Variants in MYRIP observed in about 807,000 individuals in gnomAD.
MYRIP encodes rab effector MyRIP.
MYRIP carries 49 observed loss-of-function variants against 98.0 expected under a neutral mutation model. That is an observed-to-expected ratio of 0.50 (90% CI 0.40 to 0.63). The LOEUF is 0.63. MYRIP is among the 30% of genes least tolerant of loss of function. The pLI is 0.00. For synonymous variants in MYRIP, 404 were observed against 409.5 expected (o/e 0.99, Z 0.16); for missense variants, 1,004 against 1,058.2 (o/e 0.95, Z 0.71).
chr3:40,217,795 AGAAAAC>A lies in MYRIP; in HGVS notation c.1905+7703_1905+7708del, dbSNP rs542295103. ...TAGAAATTACTATTAAATGACAGAA[AGAAAAC>A]AAAGATGTCTTCTACTACTTTCATG... On this transcript the variant is annotated intron_variant, in intron 11 of 16. Coordinates refer to ENST00000302541, the MANE Select transcript of MYRIP (RefSeq NM_015460.4). Among the ~76,000 whole-genome samples the A allele has an allele frequency of 2.3e-3, 354 of 152,314 alleles. 2 individuals are homozygous for A. The highest frequency in any genetic ancestry group is 8.1e-3 in the African/African-American group (337 of 41,586).
chr3:39,886,244 A>G (rs1265889018), intron 1 of MYRIP, among the ~76,000 whole-genome samples: 40 of 151,678 alleles, frequency 2.6e-4, no homozygotes, highest in Non-Finnish European at 7.4e-5. Context: ...ATGCCAAAAT[A>G]TAAAGACCAT....
At chr3:39,827,879 T>G (rs1941318584) in intron 1 of MYRIP, among the ~76,000 whole-genome samples, 2 of 75,310 alleles carry the variant, frequency 2.7e-5, no homozygotes, top group South Asian at 1.0e-3. Flanking sequence ...TGATTGGCAG[T>G]TTTTTTTTCT....
intron 2 of MYRIP, among the ~76,000 whole-genome samples, chr3:39,960,159 G>A (rs1945286552): frequency 6.6e-6 from 1 of 152,034 alleles, no homozygotes; most frequent in African/African-American, 2.4e-5. Context: ...GACTTAGGGA[G>A]CATCATAAGA....
intron 12 of MYRIP, among the ~76,000 whole-genome samples, chr3:40,237,056 C>T (rs776139319): frequency 2.0e-5 from 3 of 152,100 alleles, no homozygotes; most frequent in Non-Finnish European, 2.9e-5. Context: ...GTGGCTCACA[C>T]CTGTAATCCC....
intron 3 of MYRIP, among the ~76,000 whole-genome samples, chr3:40,084,781 TGTTAC>T (rs1559394186): frequency 2.5e-4 from 22 of 86,556 alleles, no homozygotes; most frequent in African/African-American, 4.8e-4. Context: ...AATATATATG[TGTTAC>T]ATGTCGATAG....
At chr3:39,903,936 A>G (rs1335281292) in intron 2 of MYRIP, among the ~76,000 whole-genome samples, 5 of 152,180 alleles carry the variant, frequency 3.3e-5, no homozygotes, top group African/African-American at 1.2e-4. Flanking sequence ...TCTTTTTTCT[A>G]CAATGTGTTC....
At chr3:40,224,327 G>A (rs1023150380) in intron 11 of MYRIP, among the ~76,000 whole-genome samples, 3 of 151,384 alleles carry the variant, frequency 2.0e-5, no homozygotes, top group Non-Finnish European at 1.5e-5. Flanking sequence ...TCAGAGCCAA[G>A]CACATGCCCT....
At chr3:39,876,173 T>G (rs1409450711) in intron 1 of MYRIP, among the ~76,000 whole-genome samples, 1 of 152,202 alleles carries the variant, frequency 6.6e-6, no homozygotes, top group African/African-American at 2.4e-5. Flanking sequence ...CCCCTGCCTT[T>G]TTTTGTTTTC....
At position 40,043,583 on chromosome 3, in the gene MYRIP, T is replaced by TA. The variant is rs532556239; in HGVS notation, c.111-462dup. 2.6e-4 allele frequency among the ~76,000 whole-genome samples: 40 copies of TA among 152,290 alleles called. 3 individuals carry two copies. The South Asian group carries it at 8.3e-3, about 32-fold the overall frequency. ...TAACTCATATAGATTTGAAAGCTTTTAAAAATCCTTGAGTACTTCAGTTTC... is the reference window on the plus strand; with the variant it reads ...TAACTCATATAGATTTGAAAGCTTTTAAAAAATCCTTGAGTACTTCAGTTTC... On this transcript the variant is annotated intron_variant, in intron 2 of 16. Coordinates refer to ENST00000302541, the MANE Select transcript of MYRIP (RefSeq NM_015460.4).
At chr3:40,222,500 C>G (rs1690241813) in intron 11 of MYRIP, among the ~76,000 whole-genome samples, 1 of 152,140 alleles carries the variant, frequency 6.6e-6, no homozygotes. Flanking sequence ...GGGTAAATTT[C>G]ATGTCAGGAA....
rs535378686 is a variant in MYRIP, at chr3:39,846,505, T to C, written c.-31+36589T>C. 2.6e-5 allele frequency among the ~76,000 whole-genome samples: 4 copies of C among 152,270 alleles called. No homozygotes were observed. In the South Asian group the frequency reaches 6.2e-4, roughly 24 times the overall value. On this transcript the variant is annotated intron_variant, in intron 1 of 16. Transcript: ENST00000302541. ...CTTCCCTTTCTCTCTCCCAAGTAGATGCTGTTTCTATCCAACTACCACTGG... is the reference window on the plus strand; with the variant it reads ...CTTCCCTTTCTCTCTCCCAAGTAGACGCTGTTTCTATCCAACTACCACTGG...
chr3:40,139,014 T>G (rs540013201), intron 3 of MYRIP, among the ~76,000 whole-genome samples: 4 of 152,206 alleles, frequency 2.6e-5, no homozygotes, highest in Non-Finnish European at 5.9e-5. Context: ...TCTGCTCTAC[T>G]TTTTACTTCT....
chr3:39,955,842 G>C (rs970237203), intron 2 of MYRIP, among the ~76,000 whole-genome samples: 3 of 151,848 alleles, frequency 2.0e-5, no homozygotes, highest in African/African-American at 7.3e-5. Context: ...GATCTACCAA[G>C]AAAATGGAAA....
At chr3:40,119,783 G>A (rs1949360888) in intron 3 of MYRIP, among the ~76,000 whole-genome samples, 1 of 152,058 alleles carries the variant, frequency 6.6e-6, no homozygotes, top group South Asian at 2.1e-4. Flanking sequence ...GGGGGAGCAG[G>A]GAGGGATAGC....
chr3:39,992,800 C>T (rs1385183633), intron 2 of MYRIP, among the ~76,000 whole-genome samples: 1 of 152,150 alleles, frequency 6.6e-6, no homozygotes, highest in Admixed American at 6.5e-5. Flanking sequence ...TAATGCCCAG[C>T]CTCCAAATTC....
At chr3:40,053,016 A>C (rs1321700794) in intron 3 of MYRIP, among the ~76,000 whole-genome samples, 1 of 152,100 alleles carries the variant, frequency 6.6e-6, no homozygotes, top group African/African-American at 2.4e-5. Flanking sequence ...CTTGTGGATT[A>C]TTTTCTTCTT....
At chr3:40,254,711 C>T (rs957288219) in intron 16 of MYRIP, among the ~76,000 whole-genome samples, 1 of 152,114 alleles carries the variant, frequency 6.6e-6, no homozygotes, top group Non-Finnish European at 1.5e-5. Flanking sequence ...TGACTTTTCC[C>T]TTTAGCTTAG....
chr3:40,250,830 T>C (rs554114195), intron 15 of MYRIP, among the ~76,000 whole-genome samples: 1 of 152,378 alleles, frequency 6.6e-6, no homozygotes, highest in South Asian at 2.1e-4. Context: ...GAGACAATGT[T>C]GGCTGCACCT....
At chr3:40,247,399 G>A (rs1381524698) in intron 13 of MYRIP, among the ~76,000 whole-genome samples, 1 of 151,700 alleles carries the variant, frequency 6.6e-6, no homozygotes, top group Non-Finnish European at 1.5e-5. Context: ...ATTTTTTTCA[G>A]CAACCCCATA....
Sources: gnomAD v4.1 joint callset for allele counts (sites outside exome capture counted in the v4.1 genomes callset) on GRCh38, gnomAD v4.1.1 for gene constraint, MANE v1.5 for transcripts, NCBI Gene and HGNC (gene_info 2026-07-23, HGNC 2026-07-21) for gene names.